Variants in ABCD3 observed in about 807,000 individuals in gnomAD.
ABCD3 encodes the protein ATP binding cassette subfamily D member 3, also known as ATP-binding cassette sub-family D member 3.
In ABCD3, 41 loss-of-function variants were observed where a neutral mutation model predicts 105.5. The ratio of observed to expected loss-of-function variants is 0.39; its 90% CI spans 0.30 to 0.50. ABCD3 has a LOEUF of 0.50. Ranked by LOEUF, ABCD3 falls within the 20% of genes least tolerant of loss-of-function variation. The probability of loss-of-function intolerance (pLI) is 0.84; values close to 1 mark genes in which losing one functional copy is unlikely to be tolerated. For synonymous variants in ABCD3, 258 were observed against 269.0 expected (o/e 0.96, Z 0.40); for missense variants, 622 against 806.3 (o/e 0.77, Z 2.77).
chr1:94,518,445 A>AT lies in ABCD3; in HGVS notation c.*1321dup, dbSNP rs1651026773. On this transcript the variant is annotated 3_prime_UTR_variant, in exon 23 of 23. Coordinates refer to ENST00000370214, the MANE Select transcript of ABCD3 (RefSeq NM_002858.4). ...TGAATTCCATAATACATAACATTCAATTTTTACCACTTCTGTTTAGCGAAC... is the reference window on the plus strand; with the variant it reads ...TGAATTCCATAATACATAACATTCAATTTTTTACCACTTCTGTTTAGCGAAC... 1 of 151,482 alleles carries AT rather than the reference A, an allele frequency of 6.6e-6. No individual in the cohort carries two copies. Among genetic ancestry groups the AT allele is most frequent in the Non-Finnish European group, 1.5e-5 (1 of 67,642 alleles). The allele number at this position is 151,482 out of a possible 1,614,324, so 9.4% of individuals were successfully genotyped here.
Position 94,516,155 on chromosome 1 carries a change from CAG to C in ABCD3, c.1903-892_1903-891del, listed in dbSNP as rs751344610. On this transcript the variant is annotated intron_variant, in intron 22 of 22. Transcript: ENST00000370214. Reference sequence around the variant, plus strand: ...AAATGAAGAGCATAGGATTTGAAGTCAGAGAGCCTGGGTTCAGGCACCAAAGT... The same window carrying C: ...AAATGAAGAGCATAGGATTTGAAGTCAGAGCCTGGGTTCAGGCACCAAAGT... Among the ~76,000 whole-genome samples the C allele has an allele frequency of 1.8e-4, 27 of 152,054 alleles. No homozygotes were observed. The South Asian group carries it at 2.7e-3, about 15-fold the overall frequency.
intron 16 of ABCD3, among the ~76,000 whole-genome samples, chr1:94,495,026 A>G (rs1015273113): frequency 2.0e-5 from 3 of 152,154 alleles, no homozygotes; most frequent in East Asian, 1.9e-4. Context: ...GGTTGCAGTG[A>G]GCGGAGATCG....
chr1:94,397,589 A>G, the ABCD3 span, among the ~76,000 whole-genome samples: 3 of 152,226 alleles, frequency 2.0e-5, no homozygotes, highest in African/African-American at 7.2e-5. Flanking sequence ...TCAAGGACAC[A>G]TGATATCAAC....
chr1:94,455,879 G>T, intron 1 of ABCD3: 1 of 1,212,388 alleles, frequency 8.2e-7, no homozygotes, highest in Non-Finnish European at 1.1e-6. Flanking sequence ...TTATCTCTAA[G>T]TATCAATTTA....
At chr1:94,396,361 C>T in the ABCD3 span, among the ~76,000 whole-genome samples, 3 of 152,176 alleles carry the variant, frequency 2.0e-5, no homozygotes, top group Non-Finnish European at 2.9e-5. Context: ...ACCTCTTGGA[C>T]CTGACAACAA....
the ABCD3 span, among the ~76,000 whole-genome samples, chr1:94,392,437 G>A: frequency 6.6e-6 from 1 of 152,228 alleles, no homozygotes; most frequent in African/African-American, 2.4e-5. Context: ...TGTTAGGTCA[G>A]TGAGATTTTG....
At chr1:94,425,974 T>TACTC (rs1225519333) in intron 1 of ABCD3, among the ~76,000 whole-genome samples, 1 of 152,206 alleles carries the variant, frequency 6.6e-6, no homozygotes, top group Non-Finnish European at 1.5e-5. Context: ...TAGTAGTATT[T>TACTC]ACTCACTCAC....
chr1:94,394,343 A>G, the ABCD3 span, among the ~76,000 whole-genome samples: 1 of 152,176 alleles, frequency 6.6e-6, no homozygotes, highest in Non-Finnish European at 1.5e-5. Flanking sequence ...GTAATAAAAC[A>G]ATGGTGGTGT....
intron 18 of ABCD3, 43 bp downstream of exon 18, chr1:94,498,891 G>A: frequency 6.2e-7 from 1 of 1,610,322 alleles, no homozygotes; most frequent in Non-Finnish European, 8.5e-7. Flanking sequence ...AGATCTTTTT[G>A]TTTATTTATT....
At chr1:94,480,259 T>C in intron 8 of ABCD3, 1 of 602,600 alleles carries the variant, frequency 1.7e-6, no homozygotes, top group Non-Finnish European at 2.9e-6. Context: ...TAAGCTACAG[T>C]GGTAAGAGGA....
intron 1 of ABCD3, among the ~76,000 whole-genome samples, chr1:94,430,872 G>A (rs1659646294): frequency 6.6e-6 from 1 of 152,124 alleles, no homozygotes; most frequent in South Asian, 2.1e-4. Flanking sequence ...CATTATCAAA[G>A]TTAAATATAC....
chr1:94,458,820 T>C (rs1250212159), intron 2 of ABCD3, among the ~76,000 whole-genome samples, 177 bp downstream of exon 2: 1 of 152,160 alleles, frequency 6.6e-6, no homozygotes, highest in African/African-American at 2.4e-5. Flanking sequence ...AAAGTGTTAC[T>C]CTAGGAGGCA....
the ABCD3 span, among the ~76,000 whole-genome samples, chr1:94,391,842 G>A: frequency 2.6e-5 from 4 of 152,324 alleles, no homozygotes; most frequent in Admixed American, 2.6e-4. Flanking sequence ...AGAGGTTGAA[G>A]TGAAGTTACA....
chr1:94,391,661 G>T, the ABCD3 span, among the ~76,000 whole-genome samples: 1 of 152,178 alleles, frequency 6.6e-6, no homozygotes, highest in Non-Finnish European at 1.5e-5. Context: ...TGAAAGAGGT[G>T]TCCTCTGGAT....
At chr1:94,453,069 A>G (rs1228998191) in intron 1 of ABCD3, among the ~76,000 whole-genome samples, 1 of 152,036 alleles carries the variant, frequency 6.6e-6, no homozygotes, top group Non-Finnish European at 1.5e-5. Flanking sequence ...GAGCCCGCCC[A>G]AGTTTGGGTG....
intron 1 of ABCD3, among the ~76,000 whole-genome samples, chr1:94,423,498 C>T (rs1344198416): frequency 2.6e-5 from 4 of 152,210 alleles, no homozygotes; most frequent in Non-Finnish European, 5.9e-5. Context: ...GGAGCACTTT[C>T]TGCTCTATTT....
At chr1:94,495,262 CAAG>C (rs372005494) in intron 16 of ABCD3, among the ~76,000 whole-genome samples, 18 of 151,980 alleles carry the variant, frequency 1.2e-4, no homozygotes, top group African/African-American at 4.1e-4. Context: ...TAGGATTTAT[CAAG>C]GAGTATTATT....
chr1:94,503,802 ATTTT>A (rs540410687), intron 20 of ABCD3, among the ~76,000 whole-genome samples: 1 of 132,162 alleles, frequency 7.6e-6, no homozygotes, highest in Non-Finnish European at 1.6e-5. Flanking sequence ...GCTTTTCTGA[ATTTT>A]TTTTTTTTTT....
the ABCD3 span, among the ~76,000 whole-genome samples, chr1:94,398,871 G>A: frequency 6.6e-6 from 1 of 152,210 alleles, no homozygotes; most frequent in East Asian, 1.9e-4. Flanking sequence ...CCGAGATCAT[G>A]CCATTGCACT....
Sources: gnomAD v4.1 joint callset for allele counts (sites outside exome capture counted in the v4.1 genomes callset) on GRCh38, gnomAD v4.1.1 for gene constraint, MANE v1.5 for transcripts, NCBI Gene and HGNC (gene_info 2026-07-23, HGNC 2026-07-21) for gene names.